The following TIAM2 variants were observed in gnomAD, a reference collection of about 807,000 sequenced individuals.
TIAM2 encodes the protein TIAM Rac1 associated GEF 2, also known as rho guanine nucleotide exchange factor TIAM2.
In TIAM2, 80 loss-of-function variants were observed where a neutral mutation model predicts 152.9. That is an observed-to-expected ratio of 0.52 (90% CI 0.44 to 0.63). The LOEUF (loss-of-function observed/expected upper bound fraction) is 0.63, where lower values mean the gene tolerates loss of function less well. Ranked by LOEUF, TIAM2 falls within the 30% of genes least tolerant of loss-of-function variation. The pLI is 0.00. For missense variants in TIAM2, 1,965 were observed against 2,120.1 expected (o/e 0.93, Z 1.44); for synonymous variants, 804 against 838.0 (o/e 0.96, Z 0.70).
intron 9 of TIAM2, chr6:155,169,022 G>A (rs1478404813): frequency 8.1e-6 from 9 of 1,105,970 alleles, no homozygotes; most frequent in Non-Finnish European, 1.1e-5. Flanking sequence ...TTGAGACGGA[G>A]TCTGGCTCTG....
intron 2 of TIAM2, among the ~76,000 whole-genome samples, chr6:155,117,145 G>A (rs537496373): frequency 1.2e-4 from 17 of 142,296 alleles, no homozygotes; most frequent in East Asian, 2.4e-4. Context: ...AAAATATTTC[G>A]TCTTATCCAG....
chr6:155,131,709 AGCTG>A (rs1472037593), intron 4 of TIAM2, among the ~76,000 whole-genome samples: 2 of 151,688 alleles, frequency 1.3e-5, no homozygotes, highest in African/African-American at 4.8e-5. Flanking sequence ...CCTCCTGAGT[AGCTG>A]GCATTACAGG....
chr6:155,109,970 G>C (rs1260067485), intron 2 of TIAM2, among the ~76,000 whole-genome samples: 2 of 122,066 alleles, frequency 1.6e-5, no homozygotes, highest in African/African-American at 6.5e-5. Context: ...TTTTTTTTAA[G>C]ACAGAGTCTC....
At chr6:155,161,243 G>C (rs1278053873) in intron 7 of TIAM2, among the ~76,000 whole-genome samples, 1 of 152,176 alleles carries the variant, frequency 6.6e-6, no homozygotes, top group Non-Finnish European at 1.5e-5. Context: ...TGGGGATGCA[G>C]TGGCACATTG....
chr6:155,028,283 G>A lies in TIAM2; in HGVS notation c.-209+32791G>A, dbSNP rs1022401674. 1.7e-5 allele frequency among the ~76,000 whole-genome samples: 2 copies of A among 119,492 alleles called. 1 individual carries two copies. Among genetic ancestry groups the A allele is most frequent in the Non-Finnish European group, 3.5e-5 (2 of 57,560 alleles). 78.4% of individuals were successfully genotyped at this position (119,492 alleles called of 152,430 possible). On this transcript the variant is annotated intron_variant, in intron 1 of 26. Transcript: ENST00000682666. ...ATATACTACATATAATATATGTACT[G>A]TGTTACATATATACTACATATATGT... is the stretch of plus-strand genomic sequence containing the variant.
chr6:155,100,438 G>A (rs1778528833), intron 2 of TIAM2, among the ~76,000 whole-genome samples: 1 of 152,152 alleles, frequency 6.6e-6, no homozygotes, highest in Non-Finnish European at 1.5e-5. Context: ...CATGTGGAGT[G>A]GCTTATTTAA....
chr6:155,167,523 G>GTAATT (rs1400306189), intron 9 of TIAM2, among the ~76,000 whole-genome samples: 1 of 152,080 alleles, frequency 6.6e-6, no homozygotes, highest in Admixed American at 6.6e-5. Flanking sequence ...TGACCAGCCT[G>GTAATT]TAATTTAATT....
intron 5 of TIAM2, among the ~76,000 whole-genome samples, chr6:155,143,819 C>T (rs1383536550): frequency 2.0e-4 from 30 of 152,044 alleles, no homozygotes; most frequent in Admixed American, 2.0e-3. Context: ...TCAGTTTTCT[C>T]ATTTTTAGTG....
intron 1 of TIAM2, among the ~76,000 whole-genome samples, chr6:155,049,299 T>C (rs1777271111): frequency 1.3e-5 from 2 of 152,064 alleles, no homozygotes; most frequent in Non-Finnish European, 2.9e-5. Context: ...GGTGAGAGGG[T>C]TCGACGGTTA....
chr6:155,233,847 C>T (rs1583271072), intron 15 of TIAM2, among the ~76,000 whole-genome samples: 1 of 151,982 alleles, frequency 6.6e-6, no homozygotes, highest in African/African-American at 2.4e-5. Flanking sequence ...CCTGGAGTTC[C>T]AGCTGCTTAG....
intron 15 of TIAM2, among the ~76,000 whole-genome samples, chr6:155,234,781 G>A (rs1330543443): frequency 6.6e-6 from 1 of 152,238 alleles, no homozygotes; most frequent in Non-Finnish European, 1.5e-5. Context: ...GTCTGCATAT[G>A]AGCTGTTTCT....
At chr6:155,247,521 T>G (rs1392552310) in intron 19 of TIAM2, among the ~76,000 whole-genome samples, 1 of 152,126 alleles carries the variant, frequency 6.6e-6, no homozygotes, top group Non-Finnish European at 1.5e-5. Flanking sequence ...TAGAGACGGG[T>G]TTCACCATGT....
chr6:155,147,486 ATT>A (rs1462628753), intron 6 of TIAM2, among the ~76,000 whole-genome samples: 1 of 151,194 alleles, frequency 6.6e-6, no homozygotes, highest in African/African-American at 2.4e-5. Context: ...TTTGTGTTTT[ATT>A]TATTTATTTA....
At chr6:155,250,640 T>C (rs1783599252) in intron 21 of TIAM2, 1 of 1,535,348 alleles carries the variant, frequency 6.5e-7, no homozygotes. Context: ...GTTCATCTTA[T>C]GGAAACTGAG....
chr6:155,034,161 C>T (rs769312114), intron 1 of TIAM2, among the ~76,000 whole-genome samples: 1 of 152,178 alleles, frequency 6.6e-6, no homozygotes, highest in South Asian at 2.1e-4. Context: ...TTTTGCTTTG[C>T]CCCTGCCTTC....
chr6:155,251,512 C>G (rs760360713), intron 22 of TIAM2, among the ~76,000 whole-genome samples: 21 of 152,256 alleles, frequency 1.4e-4, no homozygotes, highest in Non-Finnish European at 2.2e-4. Flanking sequence ...GTCTCGAACT[C>G]CTGACCTCAG....
chr6:155,115,185 A>G (rs1465464668), intron 2 of TIAM2, among the ~76,000 whole-genome samples: 4 of 151,732 alleles, frequency 2.6e-5, no homozygotes, highest in African/African-American at 9.7e-5. Flanking sequence ...AAAAAAAAAA[A>G]AGGAATAATT....
In TIAM2 at chr6:155,248,117, T is replaced by C. The variant is rs753203313; in HGVS notation, c.3770T>C (p.Leu1257Pro). ...GTTCAGAGAGTGCTCAAGTACCCGC[T>C]GCTGCTCAAGGAGCTGGTGTCCCTG... ...KPVQRVLKYP[L>P]LLKELVSLTD... Residue 1257 changes from leucine to proline, a missense_variant, in exon 20 of 27, where the codon CTG becomes CCG. By Grantham distance (98) the Leu-to-Pro change is moderately conservative. Around this residue, in one of 3 missense-constraint regions of TIAM2, gnomAD observed 935 missense variants for 980.0 expected, o/e 0.95. Coordinates refer to ENST00000682666, the MANE Select transcript of TIAM2 (RefSeq NM_012454.4). 5 of 1,614,068 alleles carry C rather than the reference T, an allele frequency of 3.1e-6. No individual in the cohort carries two copies. In the Admixed American group the frequency reaches 8.3e-5, roughly 27 times the overall value.
rs59818801 is a variant in TIAM2 at position 155,187,573 on chromosome 6, C to CTTTTTTTTTTTTTTTTTT, written c.3064+4079_3064+4096dup. Among the ~76,000 whole-genome samples, 14 of 49,620 alleles carry CTTTTTTTTTTTTTTTTTT rather than the reference C, an allele frequency of 2.8e-4. 1 individual carries two copies. The highest frequency in any genetic ancestry group is 7.9e-4 in the African/African-American group (10 of 12,662). The allele number at this position is 49,620 out of a possible 152,430, so 32.6% of individuals were successfully genotyped here. ...AACCCCCCCTCCCCCACCCCGCCCCCTTTTTTTTTTTTTTTTTTTTTTTGA... is the reference window on the plus strand; with the variant it reads ...AACCCCCCCTCCCCCACCCCGCCCCCTTTTTTTTTTTTTTTTTTTTTTTTTTTTTTTTTTTTTTTTTGA... On this transcript the variant is annotated intron_variant, in intron 14 of 26. Coordinates refer to ENST00000682666, the MANE Select transcript of TIAM2 (RefSeq NM_012454.4).
Sources: allele counts gnomAD v4.1 joint callset (sites outside exome capture counted in the v4.1 genomes callset), GRCh38; gene constraint gnomAD v4.1.1; regional missense constraint gnomAD v4.1.1; transcripts MANE v1.5; gene names NCBI Gene and HGNC (gene_info 2026-07-23, HGNC 2026-07-21).